NPAS3: variants seen among roughly 807,000 people sequenced by gnomAD.
NPAS3 encodes the protein neuronal PAS domain protein 3.
A neutral mutation model predicts 73.1 loss-of-function variants in NPAS3; 14 were observed. The ratio of observed to expected loss-of-function variants is 0.19; its 90% CI spans 0.13 to 0.30. The LOEUF (loss-of-function observed/expected upper bound fraction) is 0.30. Among genes scored for constraint, NPAS3 ranks in the 10% least tolerant of loss-of-function variants. The pLI is 1.00. For synonymous variants in NPAS3, 620 were observed against 541.5 expected, an observed-to-expected ratio of 1.14 and a Z score of -2.01; for missense variants, 1,096 against 1,250.0, an observed-to-expected ratio of 0.88 and a Z score of 1.86.
chr14:33,745,007 G>A (rs150175303), intron 7 of NPAS3, among the ~76,000 whole-genome samples: 50 of 152,074 alleles, frequency 3.3e-4, no homozygotes, highest in Non-Finnish European at 2.1e-4. Context: ...TTGGGAGGCT[G>A]AGGCAAGAGG....
intron 2 of NPAS3, among the ~76,000 whole-genome samples, chr14:33,109,810 C>CT (rs67439887): frequency 0.065 from 5,605 of 86,868 alleles, 509 homozygotes; most frequent in Non-Finnish European, 0.082. Context: ...ATTTGCATGT[C>CT]TTTTTTTTTT....
At chr14:33,309,908 AGAGGGAG>A (rs2042929301) in intron 3 of NPAS3, among the ~76,000 whole-genome samples, 1 of 152,212 alleles carries the variant, frequency 6.6e-6, no homozygotes, top group South Asian at 2.1e-4. Flanking sequence ...CTGGCCCTGC[AGAGGGAG>A]GAGGGTCCCT....
At chr14:33,393,423 TTCA>T (rs2047090165) in intron 4 of NPAS3, among the ~76,000 whole-genome samples, 1 of 152,198 alleles carries the variant, frequency 6.6e-6, no homozygotes, top group Admixed American at 6.5e-5. Flanking sequence ...TATGCACTAC[TTCA>T]TGCATGTTTC....
At chr14:33,504,803 A>T (rs1311276135) in intron 4 of NPAS3, among the ~76,000 whole-genome samples, 1 of 152,044 alleles carries the variant, frequency 6.6e-6, no homozygotes, top group African/African-American at 2.4e-5. Context: ...GTAAATTGGC[A>T]ATTACAATTA....
intron 4 of NPAS3, among the ~76,000 whole-genome samples, chr14:33,392,190 A>T (rs1027810727): frequency 3.3e-5 from 5 of 152,204 alleles, no homozygotes; most frequent in African/African-American, 1.2e-4. Flanking sequence ...TAGACATAAA[A>T]TGTAGTTTAT....
chr14:33,055,062 T>C (rs1368929877), intron 1 of NPAS3, among the ~76,000 whole-genome samples: 4 of 152,204 alleles, frequency 2.6e-5, no homozygotes, highest in Non-Finnish European at 4.4e-5. Flanking sequence ...CGTACTGATA[T>C]TGTGTATTGA....
chr14:33,632,744 T>A (rs969168055), intron 5 of NPAS3, among the ~76,000 whole-genome samples: 3 of 152,208 alleles, frequency 2.0e-5, no homozygotes, highest in African/African-American at 7.2e-5. Flanking sequence ...GAAACGCTCT[T>A]TTTTACCAAC....
intron 2 of NPAS3, among the ~76,000 whole-genome samples, chr14:33,062,070 G>A (rs1455003285): frequency 6.6e-6 from 1 of 152,172 alleles, no homozygotes; most frequent in African/African-American, 2.4e-5. Context: ...GAGAGCAGAG[G>A]CCTCAGATCC....
intron 1 of NPAS3, among the ~76,000 whole-genome samples, chr14:32,979,528 T>C (rs571288504): frequency 6.6e-6 from 1 of 152,284 alleles, no homozygotes; most frequent in African/African-American, 2.4e-5. Context: ...TAATAGCAAG[T>C]GTCTGTCTGA....
chr14:33,046,007 T>G (rs2040494551), intron 1 of NPAS3, among the ~76,000 whole-genome samples: 1 of 152,142 alleles, frequency 6.6e-6, no homozygotes, highest in Admixed American at 6.5e-5. Context: ...GAACCTCGAC[T>G]AGAGTTCACA....
At chr14:33,091,918 G>A (rs1339254963) in intron 2 of NPAS3, among the ~76,000 whole-genome samples, 3 of 152,112 alleles carry the variant, frequency 2.0e-5, no homozygotes, top group Non-Finnish European at 2.9e-5. Flanking sequence ...ACAAAATTCA[G>A]CAGCCCTTCA....
chr14:33,163,871 T>C (rs373318146), intron 2 of NPAS3, among the ~76,000 whole-genome samples: 7 of 152,320 alleles, frequency 4.6e-5, no homozygotes, highest in Admixed American at 2.0e-4. Context: ...CTGTTCCACA[T>C]CAGTGCTTTC....
chr14:33,329,355 A>G (rs2043873567), intron 3 of NPAS3, among the ~76,000 whole-genome samples: 1 of 152,174 alleles, frequency 6.6e-6, no homozygotes, highest in Non-Finnish European at 1.5e-5. Context: ...CGATGAAGAA[A>G]TGAAGCCTGT....
intron 1 of NPAS3, among the ~76,000 whole-genome samples, chr14:33,004,817 C>T (rs12050411): frequency 2.2e-4 from 14 of 63,988 alleles, no homozygotes; most frequent in South Asian, 6.1e-4. Flanking sequence ...AAAAGTTTTC[C>T]TTTTTTTTTT....
intron 1 of NPAS3, among the ~76,000 whole-genome samples, chr14:32,958,166 T>C (rs144327613): frequency 3.6e-5 from 5 of 139,780 alleles, no homozygotes; most frequent in East Asian, 3.9e-4. Context: ...GTGACCCCTA[T>C]GGTCCACCTT....
intron 6 of NPAS3, among the ~76,000 whole-genome samples, chr14:33,702,370 T>A (rs1323564577): frequency 6.6e-6 from 1 of 152,196 alleles, no homozygotes; most frequent in East Asian, 1.9e-4. Context: ...TTTTGATGGA[T>A]CTCTCCAGTT....
intron 6 of NPAS3, among the ~76,000 whole-genome samples, chr14:33,706,837 G>T (rs2060669086): frequency 6.6e-6 from 1 of 152,060 alleles, no homozygotes; most frequent in Non-Finnish European, 1.5e-5. Flanking sequence ...AGCCTCCCCT[G>T]GCTCCGTCTC....
At chr14:33,260,146 C>A (rs1160884338) in intron 3 of NPAS3, among the ~76,000 whole-genome samples, 6 of 152,142 alleles carry the variant, frequency 3.9e-5, no homozygotes, top group Non-Finnish European at 8.8e-5. Flanking sequence ...TTCTTTATCC[C>A]AGCCACTGCT....
chr14:33,263,099 G>A (rs1413652487), intron 3 of NPAS3, among the ~76,000 whole-genome samples: 3 of 152,066 alleles, frequency 2.0e-5, no homozygotes, highest in Non-Finnish European at 1.5e-5. Context: ...AGTTTCTTTT[G>A]CTGTGCAGAA....
Sources: allele counts gnomAD v4.1 joint callset (sites outside exome capture counted in the v4.1 genomes callset), GRCh38; gene constraint gnomAD v4.1.1; transcripts MANE v1.5; gene names NCBI Gene and HGNC (gene_info 2026-07-23, HGNC 2026-07-21).